The following USH2A variants were observed in gnomAD, a reference collection of about 807,000 sequenced individuals.
USH2A encodes Usher syndrome 2A (autosomal recessive, mild).
Under a neutral mutation model 538.9 loss-of-function variants are expected in USH2A, and 443 were observed. That is an observed-to-expected ratio of 0.82 (90% CI 0.76 to 0.89). The LOEUF is 0.89. USH2A is among the 40% of genes least tolerant of loss of function. The pLI is 0.00. For synonymous variants in USH2A, 2,413 were observed against 2,273.5 expected, an observed-to-expected ratio of 1.06 and a Z score of -1.75; for missense variants, 6,633 against 6,324.8, an observed-to-expected ratio of 1.05 and a Z score of -1.65.
At chr1:215,781,172 T>C (rs1222702796) in intron 54 of USH2A, among the ~76,000 whole-genome samples, 4 of 152,154 alleles carry the variant, frequency 2.6e-5, no homozygotes, top group Admixed American at 2.6e-4. Context: ...CATGTCCATA[T>C]TTATACTCAT....
chr1:216,393,703 C>T lies in USH2A; in HGVS notation c.651+24811G>A, dbSNP rs547150503. ...TCAGTCACGTTCAGCCTATCTCTCC[C>T]TGCCAATCACAAGTAAAATCTCAGA... On this transcript the variant is annotated intron_variant, in intron 3 of 71. Coordinates refer to ENST00000307340, the MANE Select transcript of USH2A (RefSeq NM_206933.4). Among the ~76,000 whole-genome samples the T allele has an allele frequency of 6.8e-4, 103 of 152,264 alleles. 1 individual carries two copies. Among genetic ancestry groups the T allele is most frequent in the African/African-American group, 2.4e-3 (98 of 41,558 alleles).
intron 43 of USH2A, among the ~76,000 whole-genome samples, chr1:215,875,216 A>T (rs918640360): frequency 2.0e-5 from 3 of 152,182 alleles, no homozygotes; most frequent in Non-Finnish European, 2.9e-5. Flanking sequence ...GGACTTATAA[A>T]GGGTAGAGGG....
At chr1:215,731,254 G>T (rs1659986930) in intron 60 of USH2A, among the ~76,000 whole-genome samples, 1 of 152,148 alleles carries the variant, frequency 6.6e-6, no homozygotes. Context: ...AAAAGGTGCA[G>T]CCTGGTTAAG....
intron 10 of USH2A, among the ~76,000 whole-genome samples, chr1:216,289,677 A>G (rs947664133): frequency 6.6e-6 from 1 of 152,132 alleles, no homozygotes; most frequent in Non-Finnish European, 1.5e-5. Flanking sequence ...GGGCCCATAC[A>G]TTTGGAAAGA....
At chr1:216,394,717 A>ATTTTTTT (rs2039174564) in intron 3 of USH2A, among the ~76,000 whole-genome samples, 1 of 135,108 alleles carries the variant, frequency 7.4e-6, no homozygotes, top group Non-Finnish European at 1.5e-5. Context: ...TAACTGGTCC[A>ATTTTTTT]GTCTTTTTTT....
intron 50 of USH2A, among the ~76,000 whole-genome samples, chr1:215,793,119 C>G (rs1662029180): frequency 1.3e-5 from 2 of 152,006 alleles, no homozygotes; most frequent in Admixed American, 1.3e-4. Flanking sequence ...AATATGTTAC[C>G]AATGCTTATT....
intron 44 of USH2A, among the ~76,000 whole-genome samples, chr1:215,846,305 T>C (rs1288364873): frequency 6.6e-6 from 1 of 152,128 alleles, no homozygotes; most frequent in South Asian, 2.1e-4. Flanking sequence ...CTTGATGTCT[T>C]GGGCTCAAGC....
intron 11 of USH2A, among the ~76,000 whole-genome samples, chr1:216,284,742 T>C (rs377151737): frequency 6.6e-5 from 10 of 152,152 alleles, no homozygotes; most frequent in African/African-American, 2.4e-4. Flanking sequence ...GACAGAAAGA[T>C]GTGGGAAAGT....
chr1:215,923,869 A>AT (rs147412811), intron 38 of USH2A, among the ~76,000 whole-genome samples: 3,470 of 149,466 alleles, frequency 0.023, 114 homozygotes, highest in African/African-American at 0.074. Context: ...TCACCCACTC[A>AT]TTTTTTTTTT....
In USH2A at chr1:216,166,004, G is replaced by A. The variant is rs539421153; in HGVS notation, c.4627+9248C>T. ...AGTCCCCAAAGTCCATTGTATCATC[G>A]TTATGCCTTTGCGTCCTCATAGCTT... is the stretch of plus-strand genomic sequence containing the variant. On this transcript the variant is annotated intron_variant, in intron 21 of 71. Coordinates refer to ENST00000307340, the MANE Select transcript of USH2A (RefSeq NM_206933.4). Among the ~76,000 whole-genome samples, 3 of 151,974 alleles carry A rather than the reference G, an allele frequency of 2.0e-5. No homozygotes were observed. In the East Asian group the frequency reaches 5.8e-4, roughly 30 times the overall value.
chr1:216,148,034 G>A (rs1427353724), intron 21 of USH2A, among the ~76,000 whole-genome samples: 2 of 149,274 alleles, frequency 1.3e-5, no homozygotes, highest in African/African-American at 5.0e-5. Context: ...CTGCCCGATC[G>A]CCTCGGAAGC....
intron 47 of USH2A, among the ~76,000 whole-genome samples, chr1:215,836,014 A>G (rs1341749767): frequency 2.0e-5 from 3 of 152,062 alleles, no homozygotes; most frequent in African/African-American, 7.2e-5. Context: ...ATGTGCAATA[A>G]TCTTCTTAAA....
chr1:215,784,852 C>A (rs182986176), intron 52 of USH2A, among the ~76,000 whole-genome samples: 22 of 152,252 alleles, frequency 1.4e-4, no homozygotes, highest in South Asian at 8.3e-4. Flanking sequence ...AACATCTATT[C>A]ACTTCTGGAG....
intron 14 of USH2A, 117 bp from the exon 15 acceptor site, chr1:216,217,667 T>C (rs2102496707): frequency 2.5e-6 from 3 of 1,180,696 alleles, no homozygotes; most frequent in Non-Finnish European, 3.7e-6. Context: ...AGCCAATATA[T>C]TGAAAAGAAT....
At position 216,313,270 on chromosome 1, in the gene USH2A, C is replaced by T. The variant is rs188333184; in HGVS notation, c.1644+8613G>A. Among the ~76,000 whole-genome samples, 9 of 152,228 alleles carry T rather than the reference C, an allele frequency of 5.9e-5. No individual in the cohort carries two copies. The East Asian group carries it at 7.8e-4, about 13-fold the overall frequency. On this transcript the variant is annotated intron_variant, in intron 9 of 71. Coordinates refer to ENST00000307340, the MANE Select transcript of USH2A (RefSeq NM_206933.4). The stretch of plus-strand genomic sequence containing the variant: ...GCTGCTCACGTCCTACTATGCAGTC[C>T]GGTTTCTAATAGACCACAGACCACT...
At chr1:215,656,059 T>A (rs1377577494) in intron 64 of USH2A, among the ~76,000 whole-genome samples, 1 of 152,194 alleles carries the variant, frequency 6.6e-6, no homozygotes, top group Non-Finnish European at 1.5e-5. Context: ...TTAGCACAAT[T>A]TCCACACTTA....
intron 4 of USH2A, among the ~76,000 whole-genome samples, chr1:216,360,201 T>A (rs2038465461): frequency 6.6e-6 from 1 of 152,026 alleles, no homozygotes; most frequent in Admixed American, 6.6e-5. Context: ...CTATGCTATA[T>A]CTAACCATGG....
chr1:215,840,087 C>T (rs1663632716), intron 46 of USH2A, among the ~76,000 whole-genome samples: 1 of 135,914 alleles, frequency 7.4e-6, no homozygotes, highest in Admixed American at 8.6e-5. Flanking sequence ...CTCTTGATTC[C>T]AGGAGGCAGA....
At chr1:215,776,749 G>A (rs1661480267) in intron 55 of USH2A, among the ~76,000 whole-genome samples, 2 of 152,110 alleles carry the variant, frequency 1.3e-5, no homozygotes, top group South Asian at 4.1e-4. Context: ...TTCATTCCAT[G>A]AACTCAATAA....
Sources: allele counts gnomAD v4.1 joint callset (sites outside exome capture counted in the v4.1 genomes callset), GRCh38; gene constraint gnomAD v4.1.1; transcripts MANE v1.5; gene names NCBI Gene and HGNC (gene_info 2026-07-23, HGNC 2026-07-21).